Variants in GPC6 observed in about 807,000 individuals in gnomAD.
GPC6 encodes the protein glypican-6.
Under a neutral mutation model 55.2 loss-of-function variants are expected in GPC6, and 14 were observed. The observed-to-expected ratio is 0.25, with a 90% CI of 0.17 to 0.40. The LOEUF is 0.40. Ranked by LOEUF, GPC6 falls within the 10% of genes least tolerant of loss-of-function variation. The pLI, the probability that GPC6 is intolerant of heterozygous loss-of-function variation, is 1.00. For synonymous variants in GPC6, 278 were observed against 259.6 expected, an observed-to-expected ratio of 1.07 and a Z score of -0.68; for missense variants, 641 against 708.5, an observed-to-expected ratio of 0.90 and a Z score of 1.08.
intron 3 of GPC6, among the ~76,000 whole-genome samples, chr13:93,939,445 TA>T (rs960632986): frequency 3.6e-4 from 55 of 151,378 alleles, no homozygotes; most frequent in African/African-American, 1.3e-3. Flanking sequence ...ATGATAATAA[TA>T]AATAAAAATA....
chr13:93,845,606 G>A (rs1426434349), intron 3 of GPC6, among the ~76,000 whole-genome samples: 21 of 141,524 alleles, frequency 1.5e-4, no homozygotes, highest in Non-Finnish European at 1.5e-5. Context: ...ATGATAGACT[G>A]GATTAAGAAA....
At chr13:94,172,675 G>A (rs1439527787) in intron 4 of GPC6, among the ~76,000 whole-genome samples, 1 of 152,172 alleles carries the variant, frequency 6.6e-6, no homozygotes, top group Non-Finnish European at 1.5e-5. Context: ...ACATTAAAAT[G>A]TCAATAAATC....
chr13:93,921,157 C>G (rs545638598), intron 3 of GPC6, among the ~76,000 whole-genome samples: 3 of 152,156 alleles, frequency 2.0e-5, no homozygotes, highest in Non-Finnish European at 4.4e-5. Context: ...TTCCTGACCC[C>G]CCTTACAGGA....
chr13:93,441,220 T>C (rs988953637), intron 1 of GPC6, among the ~76,000 whole-genome samples: 1 of 152,202 alleles, frequency 6.6e-6, no homozygotes, highest in Non-Finnish European at 1.5e-5. Flanking sequence ...AGTAATGGGA[T>C]GGCTGGGTCA....
intron 1 of GPC6, among the ~76,000 whole-genome samples, chr13:93,420,827 C>G (rs1007404692): frequency 2.6e-5 from 4 of 152,084 alleles, no homozygotes; most frequent in Non-Finnish European, 4.4e-5. Context: ...AGGTAAGGAT[C>G]TTACTCTCAT....
intron 3 of GPC6, among the ~76,000 whole-genome samples, chr13:93,870,809 G>A (rs1889110014): frequency 6.6e-6 from 1 of 151,780 alleles, no homozygotes; most frequent in Admixed American, 6.6e-5. Flanking sequence ...AAAATGAGAC[G>A]GGGTTTTGCC....
chr13:93,287,204 G>A (rs1258890678), intron 1 of GPC6, among the ~76,000 whole-genome samples: 2 of 152,100 alleles, frequency 1.3e-5, no homozygotes, highest in Non-Finnish European at 2.9e-5. Context: ...CAGATAAGGG[G>A]TGTTCAATCT....
intron 1 of GPC6, among the ~76,000 whole-genome samples, chr13:93,488,236 T>C (rs895782344): frequency 6.6e-6 from 1 of 152,164 alleles, no homozygotes; most frequent in African/African-American, 2.4e-5. Context: ...TTTTTGTCCT[T>C]GCGATAGTTT....
At chr13:94,380,676 C>T (rs1266675641) in intron 6 of GPC6, among the ~76,000 whole-genome samples, 3 of 152,144 alleles carry the variant, frequency 2.0e-5, no homozygotes, top group Non-Finnish European at 4.4e-5. Flanking sequence ...CAGTATTCTC[C>T]TGTGTTACCA....
chr13:94,140,013 A>G (rs1887319794), intron 4 of GPC6, among the ~76,000 whole-genome samples: 1 of 151,894 alleles, frequency 6.6e-6, no homozygotes, highest in African/African-American at 2.4e-5. Flanking sequence ...TCATTATATC[A>G]TCATGAGAAA....
intron 4 of GPC6, among the ~76,000 whole-genome samples, chr13:94,204,168 C>T (rs1005747474): frequency 2.0e-5 from 3 of 151,954 alleles, no homozygotes; most frequent in Admixed American, 2.0e-4. Context: ...AGTCAAAAAG[C>T]AACTTCAAAT....
intron 4 of GPC6, among the ~76,000 whole-genome samples, chr13:94,118,192 G>A (rs572811755): frequency 1.3e-5 from 2 of 152,150 alleles, no homozygotes; most frequent in South Asian, 2.1e-4. Flanking sequence ...GACCCAGTGG[G>A]AGATAATGGA....
chr13:94,382,625 T>G (rs1392939122), intron 7 of GPC6, 75 bp downstream of exon 7: 39 of 1,583,652 alleles, frequency 2.5e-5, no homozygotes, highest in Non-Finnish European at 3.3e-5. Flanking sequence ...GGCACAACTC[T>G]ACAAACCTGT....
intron 2 of GPC6, among the ~76,000 whole-genome samples, chr13:93,621,079 A>G (rs2139556871): frequency 6.6e-6 from 1 of 152,260 alleles, no homozygotes; most frequent in Non-Finnish European, 1.5e-5. Flanking sequence ...TGCAATAAAG[A>G]TTTATTTCTT....
At chr13:93,767,049 A>G (rs1201874108) in intron 2 of GPC6, among the ~76,000 whole-genome samples, 1 of 152,056 alleles carries the variant, frequency 6.6e-6, no homozygotes, top group African/African-American at 2.4e-5. Flanking sequence ...AGCTCCCCAG[A>G]ACTAGTGTTG....
chr13:93,310,355 C>T (rs776593676), intron 1 of GPC6, among the ~76,000 whole-genome samples: 2 of 152,174 alleles, frequency 1.3e-5, no homozygotes, highest in Non-Finnish European at 2.9e-5. Flanking sequence ...TACGTCAGTT[C>T]CCAAGAGCTT....
chr13:94,200,574 G>C (rs1376093991), intron 4 of GPC6, among the ~76,000 whole-genome samples: 1 of 152,094 alleles, frequency 6.6e-6, no homozygotes, highest in Non-Finnish European at 1.5e-5. Context: ...CTATTTTAAT[G>C]GTGTCTCTAT....
chr13:93,844,410 T>C (rs1888089950), intron 3 of GPC6, among the ~76,000 whole-genome samples: 1 of 152,216 alleles, frequency 6.6e-6, no homozygotes, highest in South Asian at 2.1e-4. Context: ...GTGTTGGAAT[T>C]ACAGGCATGA....
At chr13:94,013,864 A>G (rs905259343) in intron 3 of GPC6, among the ~76,000 whole-genome samples, 2 of 152,196 alleles carry the variant, frequency 1.3e-5, no homozygotes, top group Non-Finnish European at 2.9e-5. Context: ...CAGTTATTAG[A>G]TAGGCAAATT....
Sources: allele counts gnomAD v4.1 joint callset (sites outside exome capture counted in the v4.1 genomes callset), GRCh38; gene constraint gnomAD v4.1.1; transcripts MANE v1.5; gene names NCBI Gene and HGNC (gene_info 2026-07-23, HGNC 2026-07-21).